Variants in CCDC60 observed in about 807,000 individuals in gnomAD.
The protein encoded by CCDC60 is coiled-coil domain-containing protein 60.
CCDC60 carries 54 observed loss-of-function variants against 63.5 expected under a neutral mutation model. That is an observed-to-expected ratio of 0.85 (90% CI 0.68 to 1.07). CCDC60 has a LOEUF of 1.07. Ranked by LOEUF, CCDC60 falls within the 50% of genes least tolerant of loss-of-function variation. CCDC60 has a pLI of 0.00. For missense variants in CCDC60, 651 were observed against 684.3 expected (o/e 0.95, Z 0.54); for synonymous variants, 206 against 238.8 (o/e 0.86, Z 1.27).
intron 1 of CCDC60, among the ~76,000 whole-genome samples, chr12:119,362,754 C>CAT (rs376637934): frequency 1.8e-3 from 280 of 152,222 alleles, no homozygotes; most frequent in African/African-American, 6.4e-3. Flanking sequence ...TTTGGGTGAA[C>CAT]ATATACACTA....
chr12:119,412,763 ACC>A (rs150785942), intron 1 of CCDC60, among the ~76,000 whole-genome samples: 19 of 88,016 alleles, frequency 2.2e-4, no homozygotes, highest in African/African-American at 7.2e-4. Flanking sequence ...AAAGCCCCCC[ACC>A]CCCCCCCACC....
At chr12:119,472,504 T>C (rs771203945) in intron 3 of CCDC60, among the ~76,000 whole-genome samples, 2 of 152,012 alleles carry the variant, frequency 1.3e-5, no homozygotes, top group African/African-American at 2.4e-5. Flanking sequence ...AGTATCTCTG[T>C]TCCATACCTT....
intron 2 of CCDC60, among the ~76,000 whole-genome samples, chr12:119,430,390 G>A (rs1371692145): frequency 6.6e-6 from 1 of 152,090 alleles, no homozygotes; most frequent in Non-Finnish European, 1.5e-5. Context: ...CATGAGACTG[G>A]GTGTGGTGGC....
At chr12:119,392,140 G>A (rs1001415652) in intron 1 of CCDC60, among the ~76,000 whole-genome samples, 2 of 152,200 alleles carry the variant, frequency 1.3e-5, no homozygotes, top group African/African-American at 4.8e-5. Context: ...GAGTTCAGAT[G>A]TAGGAGATGC....
rs559469101 is a variant in CCDC60, at chr12:119,402,379, C to A, written c.91-26304C>A. On this transcript the variant is annotated intron_variant, in intron 1 of 13. Coordinates refer to ENST00000327554, the MANE Select transcript of CCDC60 (RefSeq NM_178499.5). ...TTGTCCTGAGTCTTCCATTCCTTTGCTGTGTGACGTTAGGAAAATTCTCCA... is the reference window on the plus strand; with the variant it reads ...TTGTCCTGAGTCTTCCATTCCTTTGATGTGTGACGTTAGGAAAATTCTCCA... 2.0e-5 allele frequency: 3 copies of A among 152,288 alleles called. No individual in the cohort carries two copies. In the South Asian group the frequency reaches 6.2e-4, roughly 32 times the overall value. 9.4% of individuals were successfully genotyped at this position (152,288 alleles called of 1,614,324 possible).
intron 2 of CCDC60, among the ~76,000 whole-genome samples, chr12:119,443,569 GATAATA>G (rs758623022): frequency 2.4e-4 from 37 of 152,156 alleles, no homozygotes; most frequent in Admixed American, 1.1e-3. Flanking sequence ...TCAAAGTCAT[GATAATA>G]ATAATAATAA....
intron 2 of CCDC60, among the ~76,000 whole-genome samples, chr12:119,436,541 C>CT (rs34712445): frequency 0.012 from 1,710 of 143,984 alleles, 47 homozygotes; most frequent in African/African-American, 0.038. Flanking sequence ...GATGCCAATA[C>CT]TTTTTTTTTT....
chr12:119,530,735 G>A (rs928355929), intron 12 of CCDC60, 139 bp from the exon 13 acceptor site: 8 of 614,162 alleles, frequency 1.3e-5, no homozygotes, highest in Non-Finnish European at 2.0e-5. Context: ...GTGGGTCACA[G>A]AGGAAAGGTC....
intron 1 of CCDC60, among the ~76,000 whole-genome samples, chr12:119,359,992 T>C (rs1779784040): frequency 1.3e-5 from 2 of 152,108 alleles, no homozygotes; most frequent in Non-Finnish European, 2.9e-5. Context: ...CTTTCCCCCC[T>C]TTCTATTCCA....
At chr12:119,535,824 T>C (rs942552450) in intron 13 of CCDC60, among the ~76,000 whole-genome samples, 1 of 152,326 alleles carries the variant, frequency 6.6e-6, no homozygotes, top group African/African-American at 2.4e-5. Context: ...TGAGGAGTGC[T>C]TTCCTTCCAA....
At chr12:119,491,381 T>C (rs963659022) in intron 5 of CCDC60, among the ~76,000 whole-genome samples, 14 of 152,192 alleles carry the variant, frequency 9.2e-5, no homozygotes, top group African/African-American at 3.4e-4. Flanking sequence ...CAGGCTGGAG[T>C]ACAATGGCGC....
chr12:119,439,397 T>G (rs577415754), intron 2 of CCDC60, among the ~76,000 whole-genome samples: 2 of 152,154 alleles, frequency 1.3e-5, no homozygotes, highest in Non-Finnish European at 2.9e-5. Context: ...ATTTGATTCA[T>G]TTACATCCTT....
intron 1 of CCDC60, among the ~76,000 whole-genome samples, chr12:119,383,196 C>T (rs1414705998): frequency 6.6e-6 from 1 of 152,162 alleles, no homozygotes; most frequent in African/African-American, 2.4e-5. Context: ...ATTACTTGAG[C>T]CCAGGAGTTC....
At chr12:119,401,979 A>T (rs748800150) in intron 1 of CCDC60, among the ~76,000 whole-genome samples, 8 of 152,180 alleles carry the variant, frequency 5.3e-5, no homozygotes, top group Admixed American at 2.0e-4. Context: ...ATTAACATTT[A>T]TTGAGAGCCC....
At chr12:119,444,290 G>A (rs1472888880) in intron 2 of CCDC60, among the ~76,000 whole-genome samples, 1 of 152,212 alleles carries the variant, frequency 6.6e-6, no homozygotes, top group African/African-American at 2.4e-5. Flanking sequence ...CATCATCAGA[G>A]TTCTTCTTAT....
intron 8 of CCDC60, 67 bp from the exon 9 acceptor site, chr12:119,520,054 C>T (rs527882060): frequency 2.2e-6 from 3 of 1,340,998 alleles, no homozygotes; most frequent in African/African-American, 1.4e-5. Context: ...CCTCCTCCCA[C>T]ATGTAGTTAC....
chr12:119,406,661 T>C (rs1455883816), intron 1 of CCDC60, among the ~76,000 whole-genome samples: 1 of 149,002 alleles, frequency 6.7e-6, no homozygotes, highest in East Asian at 1.9e-4. Context: ...ATACAAAACA[T>C]AATAAAAAGG....
intron 1 of CCDC60, among the ~76,000 whole-genome samples, chr12:119,379,652 A>G (rs1955988840): frequency 1.3e-5 from 2 of 152,238 alleles, no homozygotes. Flanking sequence ...AAATGTGCAA[A>G]CAGATCAGAT....
intron 1 of CCDC60, among the ~76,000 whole-genome samples, chr12:119,353,470 A>G (rs1440624909): frequency 7.4e-6 from 1 of 134,860 alleles, no homozygotes; most frequent in African/African-American, 2.7e-5. Flanking sequence ...CTCTCTGTCC[A>G]TCTCTCTCCG....
Sources: allele counts gnomAD v4.1 joint callset (sites outside exome capture counted in the v4.1 genomes callset), GRCh38; gene constraint gnomAD v4.1.1; transcripts MANE v1.5; gene names NCBI Gene and HGNC (gene_info 2026-07-23, HGNC 2026-07-21).